The following PDGFA variants were observed in gnomAD, a reference collection of about 807,000 sequenced individuals.
PDGFA encodes platelet-derived growth factor subunit A.
Under a neutral mutation model 25.6 loss-of-function variants are expected in PDGFA, and 9 were observed. The ratio of observed to expected loss-of-function variants is 0.35; its 90% CI spans 0.21 to 0.61. PDGFA has a LOEUF of 0.61. PDGFA is among the 20% of genes least tolerant of loss of function. The pLI is 0.75. For missense variants in PDGFA, 242 were observed against 272.8 expected, an observed-to-expected ratio of 0.89 and a Z score of 0.79; for synonymous variants, 133 against 111.8, an observed-to-expected ratio of 1.19 and a Z score of -1.20.
At chr7:498,936 A>C (rs1177032603) in intron 5 of PDGFA, among the ~76,000 whole-genome samples, 1 of 152,198 alleles carries the variant, frequency 6.6e-6, no homozygotes, top group African/African-American at 2.4e-5. Flanking sequence ...TCTGGCAGCC[A>C]CCTTGGGCCA....
chr7:511,412 G>C (rs111911123), intron 3 of PDGFA, among the ~76,000 whole-genome samples: 5,490 of 47,358 alleles, frequency 0.12, 278 homozygotes, highest in South Asian at 0.27. Context: ...AGTCCAGGTG[G>C]GGCCAGTGGC....
chr7:512,287 T>G, intron 3 of PDGFA, 64 bp downstream of exon 3: 1 of 1,368,612 alleles, frequency 7.3e-7, no homozygotes, highest in East Asian at 2.4e-5. Context: ...GCCCTGCCCA[T>G]CGCGGCCTCC....
At chr7:516,926 A>AG (rs1285049316) in intron 2 of PDGFA, among the ~76,000 whole-genome samples, 3 of 151,946 alleles carry the variant, frequency 2.0e-5, no homozygotes, top group Admixed American at 6.5e-5. Flanking sequence ...CAGGGATTAC[A>AG]GAGGGGGCCG....
At chr7:519,924 C>CCT (rs1783300016), upstream of PDGFA, 1 of 130,132 alleles carries the variant, frequency 7.7e-6, no homozygotes, top group East Asian at 2.4e-4. Context: ...GCCCCCCCCC[C>CCT]CCGCCTCCCC....
rs370285589 is a variant in PDGFA at position 511,044 on chromosome 7, G to A, written c.266-48C>T. Reference sequence around the variant, plus strand: ...AGCGGGGACCGGCCTCTGCGACCACGGCCCCACCCCAGGGCTGAGGCGGCT... The same window carrying A: ...AGCGGGGACCGGCCTCTGCGACCACAGCCCCACCCCAGGGCTGAGGCGGCT... On this transcript the variant is annotated intron_variant, in intron 3 of 5. Coordinates refer to ENST00000402802, the Ensembl canonical transcript of PDGFA. 225 of 1,498,996 alleles carry A rather than the reference G, an allele frequency of 1.5e-4. No homozygotes were observed. The African/African-American group carries it at 2.2e-3, about 15-fold the overall frequency. The allele number at this position is 1,498,996 out of a possible 1,614,324, so 92.9% of individuals were successfully genotyped here. A position where few individuals can be genotyped will look rare whatever the true frequency, so the allele number is the denominator to read the frequency against.
intron 4 of PDGFA, among the ~76,000 whole-genome samples, chr7:503,909 C>T (rs772374121): frequency 5.9e-5 from 9 of 152,138 alleles, no homozygotes; most frequent in Non-Finnish European, 1.0e-4. Flanking sequence ...AGGACACTGC[C>T]GCTTCCTACA....
At chr7:501,030 C>T (rs370616003) in intron 5 of PDGFA, 86 bp downstream of exon 5, 9 of 1,611,150 alleles carry the variant, frequency 5.6e-6, no homozygotes, top group South Asian at 1.1e-5. Flanking sequence ...GTAAGCGTTG[C>T]GCTCAAGGGG....
intron 4 of PDGFA, among the ~76,000 whole-genome samples, chr7:504,118 C>A (rs886633334): frequency 1.3e-5 from 2 of 152,118 alleles, no homozygotes; most frequent in Non-Finnish European, 2.9e-5. Context: ...TGCAGAAGGC[C>A]CCAGAAACGA....
intron 2 of PDGFA, among the ~76,000 whole-genome samples, chr7:515,984 C>T (rs374192278): frequency 1.3e-4 from 19 of 150,440 alleles, no homozygotes; most frequent in African/African-American, 4.4e-4. Flanking sequence ...CCACAAGCCT[C>T]CCCTTCTGCT....
intron 4 of PDGFA, among the ~76,000 whole-genome samples, chr7:505,694 C>T (rs1782529005): frequency 1.3e-5 from 2 of 152,218 alleles, no homozygotes; most frequent in African/African-American, 4.8e-5. Context: ...ACAGCACAGA[C>T]AAGGGAAGCC....
At chr7:502,602 G>A (rs1005692481) in intron 4 of PDGFA, among the ~76,000 whole-genome samples, 2 of 152,184 alleles carry the variant, frequency 1.3e-5, no homozygotes, top group Non-Finnish European at 2.9e-5. Context: ...CTTCGGACTG[G>A]ACTTTGCCTG....
chr7:517,545 G>A lies in PDGFA; in HGVS notation c.64-55C>T. 2.5e-6 allele frequency: 2 copies of A among 792,940 alleles called. No individual in the cohort carries two copies. The highest frequency in any genetic ancestry group is 3.2e-6 in the Non-Finnish European group (2 of 626,092). The allele number at this position is 792,940 out of a possible 1,614,324, so 49.1% of individuals were successfully genotyped here. On this transcript the variant is annotated intron_variant, in intron 1 of 5. Transcript: ENST00000402802. This position sits in a 1 kb window ranked among gnomAD's most constrained non-coding sequence, Gnocchi z 7.4. ...CGCGGCCCCGACCCCGCCGGCACGC[G>A]CCCCCGGCCGCCAGGAGCGCCGCCG...
upstream of PDGFA, chr7:520,287 G>C (rs1291322491): frequency 5.3e-6 from 1 of 189,520 alleles, no homozygotes; most frequent in Admixed American, 6.5e-5. Flanking sequence ...CCGCCCCGGC[G>C]CTCCGGCCGC....
At chr7:519,128 G>C (rs952977023) in exon 1 of PDGFA, 5 of 633,792 alleles carry the variant, frequency 7.9e-6, no homozygotes, top group South Asian at 4.8e-5. Context: ...AGGGTGGCGC[G>C]GGGAGCACGG....
Position 500,372 on chromosome 7 carries a change from A to G in PDGFA, c.580+744T>C, listed in dbSNP as rs1782272644. On this transcript the variant is annotated intron_variant, in intron 5 of 5. Coordinates refer to ENST00000402802, the Ensembl canonical transcript of PDGFA. The surrounding 1 kb of genome is among the most constrained non-coding windows in gnomAD (Gnocchi z 5.0). ...ACAGGAAGCGTGATTTGCTGGTGTG[A>G]TCAGTCAGTTGCACCTCCCCGCCCT... is the stretch of plus-strand genomic sequence containing the variant. 2 of 1,561,672 alleles carry G rather than the reference A, an allele frequency of 1.3e-6. No homozygotes were observed. Among genetic ancestry groups the G allele is most frequent in the South Asian group, 2.2e-5 (2 of 89,926 alleles).
chr7:519,730 G>C (rs1190504367), upstream of PDGFA, among the ~76,000 whole-genome samples: 4 of 146,454 alleles, frequency 2.7e-5, no homozygotes, highest in African/African-American at 9.8e-5. Flanking sequence ...GCGGGCCTGA[G>C]GGCGGGCGCA....
At position 499,122 on chromosome 7, in the gene PDGFA, C is replaced by T. The variant is rs907468819; in HGVS notation, c.581-548G>A. ...TGAGTACCAGCCAGGCATGGGACAA[C>T]AGGAGTGCCAGCCTCTCACCATGGG... On this transcript the variant is annotated intron_variant, in intron 5 of 5. Transcript: ENST00000402802. Among the ~76,000 whole-genome samples the T allele has an allele frequency of 3.9e-5, 6 of 152,356 alleles. No individual in the cohort carries two copies. The East Asian group carries it at 7.7e-4, about 20-fold the overall frequency.
chr7:516,980 C>G (rs1783132791), intron 2 of PDGFA, among the ~76,000 whole-genome samples: 1 of 151,316 alleles, frequency 6.6e-6, no homozygotes, highest in Non-Finnish European at 1.5e-5. Flanking sequence ...CCCGTCGGAC[C>G]GGGAGCCGCG....
In PDGFA at chr7:500,338, C is replaced by A. The variant is rs760661561; in HGVS notation, c.580+778G>T. ...CAATCAGGGCCACATCCCCGCCGCA[C>A]CCGGCGAGACAGGAAGCGTGATTTG... On this transcript the variant is annotated intron_variant, in intron 5 of 5. Transcript: ENST00000402802. This position sits in a 1 kb window ranked among gnomAD's most constrained non-coding sequence, Gnocchi z 5.0. 1.8e-5 allele frequency: 26 copies of A among 1,407,972 alleles called. No individual in the cohort carries two copies. The highest frequency in any genetic ancestry group is 2.2e-5 in the Non-Finnish European group (22 of 1,000,188). The allele number at this position is 1,407,972 out of a possible 1,614,324, so 87.2% of individuals were successfully genotyped here.
Sources: allele counts gnomAD v4.1 joint callset (sites outside exome capture counted in the v4.1 genomes callset), GRCh38; gene constraint gnomAD v4.1.1; non-coding constraint Gnocchi (gnomAD v3.1); transcripts MANE v1.5; gene names NCBI Gene and HGNC (gene_info 2026-07-23, HGNC 2026-07-21).